APBB1IP: variants seen among roughly 807,000 people sequenced by gnomAD.
APBB1IP encodes amyloid beta A4 precursor protein-binding family B member 1-interacting protein.
A neutral mutation model predicts 64.9 loss-of-function variants in APBB1IP; 27 were observed. The observed-to-expected ratio is 0.42, with a 90% CI of 0.31 to 0.57. The LOEUF is 0.57. APBB1IP is among the 20% of genes least tolerant of loss of function. APBB1IP has a pLI of 0.20. For synonymous variants in APBB1IP, 392 were observed against 331.0 expected, an observed-to-expected ratio of 1.18 and a Z score of -2.00; for missense variants, 812 against 845.5, an observed-to-expected ratio of 0.96 and a Z score of 0.49.
chr10:26,528,241 C>T (rs939889946), intron 8 of APBB1IP, among the ~76,000 whole-genome samples: 4 of 152,126 alleles, frequency 2.6e-5, no homozygotes, highest in Non-Finnish European at 5.9e-5. Flanking sequence ...CACCTGACAG[C>T]GAGCAGAGAA....
At chr10:26,547,982 C>T (rs1564375504) in intron 11 of APBB1IP, among the ~76,000 whole-genome samples, 2 of 152,204 alleles carry the variant, frequency 1.3e-5, no homozygotes, top group East Asian at 3.9e-4. Flanking sequence ...TATTTCTGGA[C>T]TCTCTATCTT....
At chr10:26,485,134 G>A (rs1261880898) in intron 2 of APBB1IP, among the ~76,000 whole-genome samples, 1 of 152,190 alleles carries the variant, frequency 6.6e-6, no homozygotes, top group Admixed American at 6.5e-5. Context: ...ACACATCTGT[G>A]TGAGTATCAG....
chr10:26,526,586 G>T (rs770428298), intron 8 of APBB1IP, among the ~76,000 whole-genome samples: 1 of 152,090 alleles, frequency 6.6e-6, no homozygotes, highest in Non-Finnish European at 1.5e-5. Flanking sequence ...GTGCATGGCG[G>T]CGTGTGCCTG....
At chr10:26,511,280 G>T (rs1014547810) in intron 6 of APBB1IP, among the ~76,000 whole-genome samples, 3 of 152,076 alleles carry the variant, frequency 2.0e-5, no homozygotes, top group Admixed American at 6.5e-5. Context: ...GGAAGCAAAG[G>T]TTGCAGTGAG....
chr10:26,531,594 G>C (rs903354303), intron 8 of APBB1IP, among the ~76,000 whole-genome samples: 12 of 151,678 alleles, frequency 7.9e-5, no homozygotes, highest in African/African-American at 2.9e-4. Context: ...ATGAACCTGA[G>C]AGGCGGAGCT....
intron 4 of APBB1IP, among the ~76,000 whole-genome samples, chr10:26,499,875 A>G (rs1836075136): frequency 6.6e-6 from 1 of 152,022 alleles, no homozygotes; most frequent in Non-Finnish European, 1.5e-5. Flanking sequence ...TAATTTTTTA[A>G]CTCCTTGCCA....
intron 13 of APBB1IP, among the ~76,000 whole-genome samples, chr10:26,561,690 G>A (rs1836974598): frequency 6.6e-6 from 1 of 152,104 alleles, no homozygotes; most frequent in African/African-American, 2.4e-5. Context: ...GGTAACATGA[G>A]TCAAAGTTCT....
At chr10:26,440,186 C>CT (rs1427548773) in intron 2 of APBB1IP, among the ~76,000 whole-genome samples, 1 of 152,162 alleles carries the variant, frequency 6.6e-6, no homozygotes, top group Non-Finnish European at 1.5e-5. Context: ...GCTCTTATAT[C>CT]TCCCCCATCT....
intron 8 of APBB1IP, among the ~76,000 whole-genome samples, chr10:26,516,282 C>T (rs532721044): frequency 6.6e-6 from 1 of 151,972 alleles, no homozygotes; most frequent in Admixed American, 6.6e-5. Context: ...ATGCCAGGCA[C>T]GGTGGCTCCC....
chr10:26,537,592 A>G (rs945951156), intron 10 of APBB1IP, among the ~76,000 whole-genome samples: 3 of 152,218 alleles, frequency 2.0e-5, no homozygotes, highest in African/African-American at 7.2e-5. Context: ...AACGGTGCAT[A>G]TAAATAAACA....
At chr10:26,526,611 C>T (rs1464346280) in intron 8 of APBB1IP, among the ~76,000 whole-genome samples, 16 of 151,870 alleles carry the variant, frequency 1.1e-4, no homozygotes, top group Admixed American at 8.5e-4. Flanking sequence ...CCCAGCTACT[C>T]GGGAGGCTGA....
At chr10:26,452,653 A>T (rs1417984191) in intron 2 of APBB1IP, among the ~76,000 whole-genome samples, 1 of 152,182 alleles carries the variant, frequency 6.6e-6, no homozygotes, top group African/African-American at 2.4e-5. Flanking sequence ...GTTGCTCCAT[A>T]TTTATAGCTC....
chr10:26,513,581 C>T lies in APBB1IP; in HGVS notation c.734C>T (p.Ser245Leu). The T allele has an allele frequency of 6.2e-7, 1 of 1,612,690 alleles. No homozygotes were observed. The highest frequency in any genetic ancestry group is 8.5e-7 in the Non-Finnish European group (1 of 1,179,712). ...EDHENVVEVL[S>L]DWTRDTENKI... ...CATGAAAATGTTGTTGAAGTCTTAT[C>T]AGACTGGACAAGAGACACAGAAAAT... Residue 245 changes from serine to leucine, a missense_variant, in exon 8 of 15, where the codon TCA (serine) becomes TTA (leucine). Around this residue, in one of 3 missense-constraint regions of APBB1IP, gnomAD observed 394 missense variants for 413.1 expected, o/e 0.95. Transcript: ENST00000376236.
chr10:26,560,947 C>A, intron 13 of APBB1IP, 103 bp downstream of exon 13: 1 of 762,742 alleles, frequency 1.3e-6, no homozygotes, highest in Non-Finnish European at 1.9e-6. Context: ...ACACAGCATT[C>A]AGAATATGTT....
At chr10:26,497,065 T>C (rs1836034469) in intron 4 of APBB1IP, among the ~76,000 whole-genome samples, 1 of 151,978 alleles carries the variant, frequency 6.6e-6, no homozygotes. Context: ...CGTGGTGGCA[T>C]GTGCCTGTGG....
chr10:26,473,937 G>A (rs1308385538), intron 2 of APBB1IP, among the ~76,000 whole-genome samples: 1 of 150,250 alleles, frequency 6.7e-6, no homozygotes. Context: ...CGGAGGCAGA[G>A]GTTACAGTGA....
At chr10:26,549,942 G>A (rs1218272518) in intron 11 of APBB1IP, among the ~76,000 whole-genome samples, 1 of 150,924 alleles carries the variant, frequency 6.6e-6, no homozygotes, top group East Asian at 1.9e-4. Flanking sequence ...TCATTAGATT[G>A]TTTATTTGAG....
At chr10:26,516,543 CAAA>C (rs71401901) in intron 8 of APBB1IP, among the ~76,000 whole-genome samples, 7 of 47,208 alleles carry the variant, frequency 1.5e-4, no homozygotes, top group African/African-American at 8.6e-4. Flanking sequence ...GACTCCATCT[CAAA>C]AAAAAAAAAA....
chr10:26,506,264 G>T (rs1367500472), intron 6 of APBB1IP, among the ~76,000 whole-genome samples: 2 of 108,324 alleles, frequency 1.8e-5, no homozygotes, highest in South Asian at 4.1e-4. Context: ...GGGGGGGGGT[G>T]GGGGGCAAGG....
Sources: gnomAD v4.1 joint callset for allele counts (sites outside exome capture counted in the v4.1 genomes callset) on GRCh38, gnomAD v4.1.1 for gene constraint, gnomAD v4.1.1 regional missense constraint, MANE v1.5 for transcripts, NCBI Gene and HGNC (gene_info 2026-07-23, HGNC 2026-07-21) for gene names.